The following TRPM7 variants were observed in gnomAD, a reference collection of about 807,000 sequenced individuals.
The protein encoded by TRPM7 is LTRPC ion channel family member 7.
Under a neutral mutation model 229.7 loss-of-function variants are expected in TRPM7, and 134 were observed. The ratio of observed to expected loss-of-function variants is 0.58; its 90% CI spans 0.51 to 0.67. TRPM7 has a LOEUF of 0.67. Ranked by LOEUF, TRPM7 falls within the 30% of genes least tolerant of loss-of-function variation. The pLI, the probability that TRPM7 is intolerant of heterozygous loss-of-function variation, is 0.00. For synonymous variants in TRPM7, 699 were observed against 715.2 expected (o/e 0.98, Z 0.36); for missense variants, 1,901 against 2,210.0 (o/e 0.86, Z 2.80).
At chr15:50,627,006 G>A (rs1392252307) in intron 11 of TRPM7, among the ~76,000 whole-genome samples, 1 of 152,046 alleles carries the variant, frequency 6.6e-6, no homozygotes, top group Non-Finnish European at 1.5e-5. Flanking sequence ...GCAATTTGCT[G>A]TTTATATTTA....
intron 1 of TRPM7, among the ~76,000 whole-genome samples, chr15:50,671,650 G>GT (rs201895962): frequency 5.0e-5 from 7 of 138,720 alleles, no homozygotes; most frequent in Non-Finnish European, 1.1e-4. Flanking sequence ...CGCTACAAAA[G>GT]TTTTTTTTAA....
rs76483156 is a variant in TRPM7, at chr15:50,680,865, G to C, written c.3+5666C>G. ...ACCTACTCTACCACTTATTAGCCTTGTGACCGTTGGCAAGTGATTTTTGAT... is the reference window on the plus strand; with the variant it reads ...ACCTACTCTACCACTTATTAGCCTTCTGACCGTTGGCAAGTGATTTTTGAT... On this transcript the variant is annotated intron_variant, in intron 1 of 38. Coordinates refer to ENST00000646667, the MANE Select transcript of TRPM7 (RefSeq NM_017672.6). 4.1e-3 allele frequency among the ~76,000 whole-genome samples: 619 copies of C among 152,276 alleles called. 5 individuals carry two copies. Among genetic ancestry groups the C allele is most frequent in the African/African-American group, 0.014 (585 of 41,544 alleles).
At position 50,593,823 on chromosome 15, in the gene TRPM7, A is replaced by C. The variant is rs3759804; in HGVS notation, c.3476-74T>G. The C allele has an allele frequency of 4.6e-3, 6,602 of 1,448,272 alleles. 132 individuals are homozygous for C. In the East Asian group the frequency reaches 0.046, roughly 10 times the overall value. The allele number at this position is 1,448,272 out of a possible 1,614,324, so 89.7% of individuals were successfully genotyped here. A position where few individuals can be genotyped will look rare whatever the true frequency, so the allele number is the denominator to read the frequency against. On this transcript the variant is annotated intron_variant, in intron 24 of 38. Transcript: ENST00000646667. ...CAACTTTAGCTCATAATTCTTACGA[A>C]TTATTCAGGGTTTCTAAGACTACAT... is the stretch of plus-strand genomic sequence containing the variant.
At chr15:50,629,611 A>G (rs1271692820) in intron 10 of TRPM7, among the ~76,000 whole-genome samples, 2 of 152,074 alleles carry the variant, frequency 1.3e-5, no homozygotes, top group Non-Finnish European at 2.9e-5. Flanking sequence ...TATCTATTAC[A>G]TAAGTTCTGA....
intron 20 of TRPM7, 24 bp downstream of exon 20, chr15:50,607,176 G>A: frequency 1.3e-6 from 2 of 1,590,066 alleles, no homozygotes; most frequent in Non-Finnish European, 8.5e-7. Flanking sequence ...GTAAATTATT[G>A]GTAGAAAAAA....
chr15:50,649,070 G>C (rs1214796098), intron 3 of TRPM7, among the ~76,000 whole-genome samples, 185 bp from the exon 4 acceptor site: 1 of 152,028 alleles, frequency 6.6e-6, no homozygotes, highest in Admixed American at 6.6e-5. Flanking sequence ...CACTGAAATA[G>C]TATAATTAGT....
At position 50,607,182 on chromosome 15, in the gene TRPM7, A is replaced by C. The variant is rs1314134095; in HGVS notation, c.2709+18T>G. ...ATGTATACAGTAAATTATTGGTAGA[A>C]AAAAACTAAAGACATACCTCACGGA... On this transcript the variant is annotated intron_variant, in intron 20 of 38. Transcript: ENST00000646667. 2 of 1,591,624 alleles carry C rather than the reference A, an allele frequency of 1.3e-6. 1 individual carries two copies. The highest frequency in any genetic ancestry group is 2.3e-5 in the South Asian group (2 of 85,810).
chr15:50,580,696 T>C (rs953974122), intron 30 of TRPM7, among the ~76,000 whole-genome samples, 178 bp downstream of exon 30: 2 of 152,212 alleles, frequency 1.3e-5, no homozygotes, highest in African/African-American at 2.4e-5. Flanking sequence ...TTAACTTTTA[T>C]ATTAATTCAT....
At chr15:50,659,169 GA>G (rs2061664273) in intron 2 of TRPM7, among the ~76,000 whole-genome samples, 1 of 149,110 alleles carries the variant, frequency 6.7e-6, no homozygotes, top group African/African-American at 2.5e-5. Flanking sequence ...CACCAGCCTG[GA>G]TGACAGAGCG....
At chr15:50,576,064 T>A in intron 31 of TRPM7, 145 bp from the exon 32 acceptor site, 2 of 763,422 alleles carry the variant, frequency 2.6e-6, no homozygotes, top group Non-Finnish European at 4.2e-6. Context: ...ATAAAATATG[T>A]CCACTGTGCT....
chr15:50,651,984 AC>A (rs2061432943), intron 3 of TRPM7, among the ~76,000 whole-genome samples: 1 of 152,048 alleles, frequency 6.6e-6, no homozygotes. Context: ...TACCTTAAAA[AC>A]TAAAAATAAC....
chr15:50,574,134 G>A, intron 36 of TRPM7, 140 bp downstream of exon 36: 1 of 669,872 alleles, frequency 1.5e-6, no homozygotes, highest in South Asian at 1.9e-5. Context: ...TATATGCTAT[G>A]ACTGTGATTA....
intron 13 of TRPM7, among the ~76,000 whole-genome samples, chr15:50,618,526 C>G (rs1160687867): frequency 1.3e-5 from 2 of 151,622 alleles, no homozygotes; most frequent in Admixed American, 1.3e-4. Context: ...GCCAAGATCA[C>G]GCCACTGCAC....
intron 2 of TRPM7, among the ~76,000 whole-genome samples, chr15:50,660,766 T>TTA (rs367662360): frequency 0.031 from 4,767 of 152,300 alleles, 103 homozygotes; most frequent in Middle Eastern, 0.1. Flanking sequence ...GGGTGATCAT[T>TTA]TATATTCCTT....
chr15:50,587,685 G>A (rs1390620755), intron 27 of TRPM7, among the ~76,000 whole-genome samples: 6 of 151,934 alleles, frequency 3.9e-5, no homozygotes, highest in Admixed American at 2.6e-4. Flanking sequence ...CAAGTGCTTC[G>A]CAATAGCAAA....
intron 4 of TRPM7, among the ~76,000 whole-genome samples, chr15:50,647,018 A>AGCATGATGAAATTGCCT (rs2061287709): frequency 6.6e-6 from 1 of 152,268 alleles, no homozygotes; most frequent in African/African-American, 2.4e-5. Context: ...CTACGGTGTT[A>AGCATGATGAAATTGCCT]GCATGATGAA....
rs753306031 is a variant in TRPM7, at chr15:50,611,232, T to G, written c.2141A>C (p.Lys714Thr). Residue 714 changes from lysine to threonine, a missense_variant, in exon 17 of 39, where the codon AAG (lysine) becomes ACG (threonine). Lys to Thr is a moderately conservative substitution (Grantham distance 78). This residue lies in a region of TRPM7 where 794 missense variants were observed against 881.9 expected (regional missense o/e 0.90). Coordinates refer to ENST00000646667, the MANE Select transcript of TRPM7 (RefSeq NM_017672.6). ...AAGGCAGGTTGAATTACTCCAGTTC[T>G]TCAGTTCATAAGTGAGCAATTTCAT... Reference protein sequence around the residue: ...MAMKLLTYELKNWSNSTCLKL... With the variant: ...MAMKLLTYELTNWSNSTCLKL... 1.2e-5 allele frequency: 19 copies of G among 1,613,874 alleles called. No homozygotes were observed. The highest frequency in any genetic ancestry group is 1.5e-5 in the Non-Finnish European group (18 of 1,179,956).
intron 1 of TRPM7, among the ~76,000 whole-genome samples, chr15:50,667,182 C>T (rs2061905232): frequency 6.6e-6 from 1 of 152,122 alleles, no homozygotes; most frequent in African/African-American, 2.4e-5. Context: ...CTCTGCATGT[C>T]TGGATCAGAG....
At chr15:50,571,956 T>C (rs1404301392) in intron 36 of TRPM7, among the ~76,000 whole-genome samples, 1 of 152,246 alleles carries the variant, frequency 6.6e-6, no homozygotes, top group Non-Finnish European at 1.5e-5. Flanking sequence ...CAAATGGCAC[T>C]GCGTGCTACA....
Sources: gnomAD v4.1 joint callset for allele counts (sites outside exome capture counted in the v4.1 genomes callset) on GRCh38, gnomAD v4.1.1 for gene constraint, gnomAD v4.1.1 regional missense constraint, MANE v1.5 for transcripts, NCBI Gene and HGNC (gene_info 2026-07-23, HGNC 2026-07-21) for gene names.